Variants in PDE4B observed in about 807,000 individuals in gnomAD.
PDE4B encodes phosphodiesterase 4B.
Under a neutral mutation model 82.2 loss-of-function variants are expected in PDE4B, and 20 were observed. The ratio of observed to expected loss-of-function variants is 0.24; its 90% CI spans 0.17 to 0.35. The LOEUF (loss-of-function observed/expected upper bound fraction) is 0.35. Among genes scored for constraint, PDE4B ranks in the 10% least tolerant of loss-of-function variants. The pLI, the probability that PDE4B is intolerant of heterozygous loss-of-function variation, is 1.00. For synonymous variants in PDE4B, 320 were observed against 318.9 expected (o/e 1.00, Z -0.04); for missense variants, 655 against 907.2 (o/e 0.72, Z 3.57).
intron 3 of PDE4B, among the ~76,000 whole-genome samples, chr1:66,199,194 C>T (rs537034544): frequency 1.2e-4 from 18 of 151,696 alleles, no homozygotes; most frequent in Non-Finnish European, 2.6e-4. Context: ...ACACTGACTG[C>T]CACAATGGTT....
chr1:65,964,994 C>T (rs1022592441), intron 3 of PDE4B, among the ~76,000 whole-genome samples: 19 of 152,054 alleles, frequency 1.2e-4, no homozygotes, highest in African/African-American at 2.2e-4. Flanking sequence ...GAAGCACGCT[C>T]GGCTGTTTTA....
chr1:66,097,506 G>C (rs988476976), intron 3 of PDE4B, among the ~76,000 whole-genome samples: 1 of 151,994 alleles, frequency 6.6e-6, no homozygotes, highest in African/African-American at 2.4e-5. Context: ...CACTGGATAT[G>C]ATAGTTTCTA....
chr1:65,936,958 A>G (rs1200159310), intron 3 of PDE4B, among the ~76,000 whole-genome samples: 2 of 152,214 alleles, frequency 1.3e-5, no homozygotes, highest in East Asian at 3.9e-4. Context: ...GCTTAATGAT[A>G]CCATAGAATT....
intron 7 of PDE4B, among the ~76,000 whole-genome samples, chr1:66,295,605 T>C (rs1331308044): frequency 6.6e-6 from 1 of 152,156 alleles, no homozygotes; most frequent in African/African-American, 2.4e-5. Context: ...ATTTTTGTAT[T>C]TTCAGTAGAG....
At chr1:65,823,578 G>C (rs1645981015) in intron 1 of PDE4B, among the ~76,000 whole-genome samples, 2 of 151,842 alleles carry the variant, frequency 1.3e-5, no homozygotes, top group South Asian at 4.2e-4. Flanking sequence ...TCTTTTTACT[G>C]GTCTCTGAGC....
intron 3 of PDE4B, among the ~76,000 whole-genome samples, chr1:66,155,972 C>T (rs1256648644): frequency 6.6e-6 from 1 of 152,122 alleles, no homozygotes; most frequent in East Asian, 1.9e-4. Context: ...AATCCATGCC[C>T]TTGACTTGGC....
At chr1:66,120,750 CTCTATT>C in intron 3 of PDE4B, among the ~76,000 whole-genome samples, 1 of 152,232 alleles carries the variant, frequency 6.6e-6, no homozygotes, top group African/African-American at 2.4e-5. Context: ...CTCTACCCCT[CTCTATT>C]TTTCCTTCAC....
chr1:65,965,252 C>A (rs1044680423), intron 3 of PDE4B, among the ~76,000 whole-genome samples: 1 of 151,920 alleles, frequency 6.6e-6, no homozygotes, highest in East Asian at 1.9e-4. Flanking sequence ...TTCCTCCCCC[C>A]CCCATGGAAA....
intron 3 of PDE4B, among the ~76,000 whole-genome samples, chr1:66,055,778 AC>A (rs1655262436): frequency 6.6e-6 from 1 of 152,202 alleles, no homozygotes; most frequent in Non-Finnish European, 1.5e-5. Flanking sequence ...ACAGTAGATA[AC>A]ATTTTGAGAT....
chr1:65,874,311 T>C (rs1305719917), intron 1 of PDE4B, among the ~76,000 whole-genome samples: 4 of 152,130 alleles, frequency 2.6e-5, no homozygotes, highest in African/African-American at 9.7e-5. Flanking sequence ...CTTAAGGAGA[T>C]TTTGGGCTGA....
At chr1:66,367,496 C>T (rs1663335023) in intron 13 of PDE4B, 200 bp from the exon 14 acceptor site, 2 of 487,940 alleles carry the variant, frequency 4.1e-6, no homozygotes, top group Non-Finnish European at 3.6e-6. Context: ...AAAGCTTATA[C>T]ACCAGTAGAA....
At chr1:65,932,252 C>T (rs1474677987) in intron 3 of PDE4B, among the ~76,000 whole-genome samples, 1 of 151,556 alleles carries the variant, frequency 6.6e-6, no homozygotes. Flanking sequence ...AGGTGAAAAA[C>T]CACAGATCCC....
intron 3 of PDE4B, among the ~76,000 whole-genome samples, chr1:66,225,357 A>G (rs1020785494): frequency 9.2e-5 from 14 of 152,340 alleles, no homozygotes; most frequent in African/African-American, 2.9e-4. Context: ...TCATGGCACA[A>G]TATCAATCCT....
chr1:66,284,352 G>A (rs376367784), intron 7 of PDE4B, among the ~76,000 whole-genome samples: 2 of 152,178 alleles, frequency 1.3e-5, no homozygotes, highest in African/African-American at 2.4e-5. Flanking sequence ...TTATAACCAA[G>A]TGGATTAGGA....
chr1:65,948,263 A>G (rs1047386074), intron 3 of PDE4B, among the ~76,000 whole-genome samples: 4 of 151,318 alleles, frequency 2.6e-5, no homozygotes, highest in Non-Finnish European at 5.9e-5. Flanking sequence ...ATATACCTCT[A>G]CTCTTAGCAG....
intron 3 of PDE4B, among the ~76,000 whole-genome samples, chr1:66,180,607 A>C (rs957997790): frequency 3.9e-5 from 6 of 152,226 alleles, no homozygotes; most frequent in Non-Finnish European, 8.8e-5. Flanking sequence ...TAATTCAAAA[A>C]GGCAAAAGAG....
chr1:66,015,750 C>G (rs924912046), intron 3 of PDE4B, among the ~76,000 whole-genome samples: 1 of 151,980 alleles, frequency 6.6e-6, no homozygotes, highest in African/African-American at 2.4e-5. Context: ...ATTTCTTTTT[C>G]CAGAGGAAAA....
chr1:65,988,472 T>A (rs1218701171), intron 3 of PDE4B, among the ~76,000 whole-genome samples: 1 of 152,134 alleles, frequency 6.6e-6, no homozygotes, highest in Non-Finnish European at 1.5e-5. Context: ...TACCTTGTCT[T>A]TGACTGAAGG....
At chr1:65,863,937 G>C (rs918067853) in intron 1 of PDE4B, among the ~76,000 whole-genome samples, 1 of 151,918 alleles carries the variant, frequency 6.6e-6, no homozygotes, top group African/African-American at 2.4e-5. Context: ...CACACTGATG[G>C]GTCTTTATCC....
Sources: allele counts gnomAD v4.1 joint callset (sites outside exome capture counted in the v4.1 genomes callset), GRCh38; gene constraint gnomAD v4.1.1; transcripts MANE v1.5; gene names NCBI Gene and HGNC (gene_info 2026-07-23, HGNC 2026-07-21).